UTP25: variants seen among roughly 807,000 people sequenced by gnomAD.
The protein encoded by UTP25 is U3 small nucleolar RNA-associated protein 25 homolog.
A neutral mutation model predicts 78.9 loss-of-function variants in UTP25; 50 were observed. That is an observed-to-expected ratio of 0.63 (90% CI 0.50 to 0.80). UTP25 has a LOEUF of 0.80. Among genes scored for constraint, UTP25 ranks in the 30% least tolerant of loss-of-function variants. UTP25 has a pLI of 0.00. For missense variants in UTP25, 846 were observed against 911.3 expected (o/e 0.93, Z 0.92); for synonymous variants, 329 against 336.5 (o/e 0.98, Z 0.24).
chr1:209,851,372 G>C lies in UTP25; in HGVS notation c.2196G>C (p.Val732=). 1.2e-6 allele frequency: 2 copies of C among 1,614,220 alleles called. No homozygotes were observed. Among genetic ancestry groups the C allele is most frequent in the Non-Finnish European group, 1.7e-6 (2 of 1,180,042 alleles). Residue 732 remains valine, a synonymous_variant, in exon 12 of 12, where the codon GTG becomes GTC. Coordinates refer to ENST00000491415, the MANE Select transcript of UTP25 (RefSeq NM_014388.7). ...SKYDAQRLAA[V]VGVERAAQML... ...ATGATGCCCAGAGGTTAGCTGCCGTGGTTGGTGTGGAGCGGGCGGCACAGA... is the reference window on the plus strand; with the variant it reads ...ATGATGCCCAGAGGTTAGCTGCCGTCGTTGGTGTGGAGCGGGCGGCACAGA...
At chr1:209,839,742 A>G (rs2078155824) in intron 7 of UTP25, among the ~76,000 whole-genome samples, 1 of 152,216 alleles carries the variant, frequency 6.6e-6, no homozygotes, top group Non-Finnish European at 1.5e-5. Flanking sequence ...TGTGCCAGGC[A>G]CTGTTAAGAA....
At chr1:209,833,715 C>A (rs1299915963) in intron 4 of UTP25, among the ~76,000 whole-genome samples, 1 of 152,104 alleles carries the variant, frequency 6.6e-6, no homozygotes, top group African/African-American at 2.4e-5. Context: ...CTTTTTGGAG[C>A]AGTAATTTTT....
chr1:209,850,997 T>C (rs949130938), intron 11 of UTP25, among the ~76,000 whole-genome samples: 2 of 152,214 alleles, frequency 1.3e-5, no homozygotes, highest in African/African-American at 2.4e-5. Flanking sequence ...AAGCCAAATA[T>C]TAGGAATTCG....
Position 209,839,030 on chromosome 1 carries a change from A to C in UTP25, c.1184A>C (p.Glu395Ala). Residue 395 changes from glutamate to alanine, a missense_variant, in exon 7 of 12, where the codon GAA becomes GCA. Glu to Ala is a moderately radical substitution (Grantham distance 107, BLOSUM62 -1). Transcript: ENST00000491415. ...IVSNKKRFQG[E>A]YGSDPEERPP... ...AGCAACAAAAAGAGGTTTCAGGGAGAATATGGATCAGATCCCGAGGAGAGA... is the reference window on the plus strand; with the variant it reads ...AGCAACAAAAAGAGGTTTCAGGGAGCATATGGATCAGATCCCGAGGAGAGA... 1 of 1,614,136 alleles carries C rather than the reference A, an allele frequency of 6.2e-7. No individual in the cohort carries two copies. Among genetic ancestry groups the C allele is most frequent in the Non-Finnish European group, 8.5e-7 (1 of 1,179,992 alleles).
chr1:209,850,331 T>C (rs1405616499), intron 11 of UTP25, among the ~76,000 whole-genome samples: 1 of 152,130 alleles, frequency 6.6e-6, no homozygotes, highest in African/African-American at 2.4e-5. Context: ...TAGATCACAG[T>C]CATGGTTTGG....
chr1:209,849,949 C>T (rs995941285), intron 11 of UTP25, among the ~76,000 whole-genome samples: 4 of 152,142 alleles, frequency 2.6e-5, no homozygotes, highest in African/African-American at 9.7e-5. Flanking sequence ...GACCTGGCTG[C>T]ACATCTCTGG....
chr1:209,850,180 G>A (rs781313009), intron 11 of UTP25, among the ~76,000 whole-genome samples: 3 of 152,178 alleles, frequency 2.0e-5, no homozygotes, highest in Non-Finnish European at 4.4e-5. Context: ...CAATATTCTC[G>A]AGTTTTATAC....
intron 11 of UTP25, 71 bp downstream of exon 11, chr1:209,843,767 A>C: frequency 1.9e-6 from 3 of 1,544,344 alleles, no homozygotes; most frequent in Non-Finnish European, 2.6e-6. Context: ...CCTGCTCTGA[A>C]TGCATGGCAG....
rs2078246442 is a variant in UTP25, at chr1:209,852,401, T to G, written c.*954T>G. ...CCCACCAATAAGGATAATGTGAATA[T>G]TTCAGAATCCAAAAAAATTCGAAAC... On this transcript the variant is annotated 3_prime_UTR_variant, in exon 12 of 12. Coordinates refer to ENST00000491415, the MANE Select transcript of UTP25 (RefSeq NM_014388.7). 1 of 152,238 alleles carries G rather than the reference T, an allele frequency of 6.6e-6. No individual in the cohort carries two copies. The highest frequency in any genetic ancestry group is 1.5e-5 in the Non-Finnish European group (1 of 68,042). The allele number at this position is 152,238 out of a possible 1,614,324, so 9.4% of individuals were successfully genotyped here.
At position 209,852,083 on chromosome 1, in the gene UTP25, A is replaced by C. The variant is rs2078244186; in HGVS notation, c.*636A>C. 1 of 152,252 alleles carries C rather than the reference A, an allele frequency of 6.6e-6. No homozygotes were observed. Among genetic ancestry groups the C allele is most frequent in the Non-Finnish European group, 1.5e-5 (1 of 68,044 alleles). The allele number at this position is 152,252 out of a possible 1,614,324, so 9.4% of individuals were successfully genotyped here. A position where few individuals can be genotyped will look rare whatever the true frequency, so the allele number is the denominator to read the frequency against. On this transcript the variant is annotated 3_prime_UTR_variant, in exon 12 of 12. Transcript: ENST00000491415. ...AATCACGTTATTTAAAAAACACATCAGCTCTGTCTCAAGAAGTAATTTTGT... is the reference window on the plus strand; with the variant it reads ...AATCACGTTATTTAAAAAACACATCCGCTCTGTCTCAAGAAGTAATTTTGT...
Position 209,836,844 on chromosome 1 carries a change from A to G in UTP25, c.695A>G (p.Lys232Arg). The change falls in exon 6 of 12, where the codon AAG (lysine) becomes AGG (arginine). Residue 232 changes from lysine (K) to arginine (R), a missense_variant. Coordinates refer to ENST00000491415, the MANE Select transcript of UTP25 (RefSeq NM_014388.7). ...CTTTTCTTTTCCTCTAAGTTTCAGAAGTTGGAAACATTTAAACCCCCAAAG... is the reference window on the plus strand; with the variant it reads ...CTTTTCTTTTCCTCTAAGTTTCAGAGGTTGGAAACATTTAAACCCCCAAAG... Reference protein sequence around the residue: ...GQLFFSSKFQKLETFKPPKDI... With the variant: ...GQLFFSSKFQRLETFKPPKDI... 1 of 1,611,126 alleles carries G rather than the reference A, an allele frequency of 6.2e-7. No homozygotes were observed. The highest frequency in any genetic ancestry group is 1.1e-5 in the South Asian group (1 of 90,570).
chr1:209,851,105 A>G (rs2078234961), intron 11 of UTP25, 99 bp from the exon 12 acceptor site: 1 of 1,344,942 alleles, frequency 7.4e-7, no homozygotes, highest in East Asian at 2.4e-5. Flanking sequence ...CATTAGCAGG[A>G]AGCAACAAGC....
chr1:209,853,686 A>T lies in UTP25; in HGVS notation c.*2239A>T, dbSNP rs992860506. The T allele has an allele frequency of 6.6e-6, 1 of 152,054 alleles. No individual in the cohort carries two copies. The highest frequency in any genetic ancestry group is 2.4e-5 in the African/African-American group (1 of 41,388). The allele number at this position is 152,054 out of a possible 1,614,324, so 9.4% of individuals were successfully genotyped here. A position where few individuals can be genotyped will look rare whatever the true frequency, so the allele number is the denominator to read the frequency against. On this transcript the variant is annotated 3_prime_UTR_variant, in exon 12 of 12. Coordinates refer to ENST00000491415, the MANE Select transcript of UTP25 (RefSeq NM_014388.7). ...TACCTACATCTTTTTCTACTGCCAT[A>T]TTCTTTTGCCTGTGAATTGTAGTTC...
chr1:209,851,172 T>G, intron 11 of UTP25, 32 bp from the exon 12 acceptor site: 1 of 1,590,052 alleles, frequency 6.3e-7, no homozygotes, highest in African/African-American at 1.4e-5. Context: ...GTTTCTCAAG[T>G]TGACATAGCT....
intron 11 of UTP25, 192 bp downstream of exon 11, chr1:209,843,888 G>A (rs2078181437): frequency 1.0e-5 from 7 of 700,716 alleles, no homozygotes; most frequent in Non-Finnish European, 1.6e-5. Context: ...CTCCCAAAAT[G>A]GGCATTGCTG....
Position 209,842,412 on chromosome 1 carries a change from G to A in UTP25, c.1633G>A (p.Val545Met). The A allele has an allele frequency of 3.1e-6, 5 of 1,614,124 alleles. No homozygotes were observed. Among genetic ancestry groups the A allele is most frequent in the Non-Finnish European group, 4.2e-6 (5 of 1,179,998 alleles). The change falls in exon 9 of 12, where the codon GTG becomes ATG. Residue 545 changes from valine to methionine, a missense_variant. Coordinates refer to ENST00000491415, the MANE Select transcript of UTP25 (RefSeq NM_014388.7). ...GALQDAQINSVFNKYCVNMQG... is the reference protein window; with the variant it reads ...GALQDAQINSMFNKYCVNMQG... The stretch of plus-strand genomic sequence containing the variant: ...CCTTCAGGATGCCCAGATCAACTCA[G>A]TGTTCAACAAGTACTGTGTCAACAT...
In UTP25 at chr1:209,851,545, TACAA is replaced by T; in HGVS notation, c.*100_*103del. On this transcript the variant is annotated 3_prime_UTR_variant, in exon 12 of 12. Coordinates refer to ENST00000491415, the MANE Select transcript of UTP25 (RefSeq NM_014388.7). ...TGATTACTTACAGAAGAAGGACTGA[TACAA>T]AGAAAGTGCATGAGGCAATGTCAGT... 6 of 1,450,750 alleles carry T rather than the reference TACAA, an allele frequency of 4.1e-6. No homozygotes were observed. Among genetic ancestry groups the T allele is most frequent in the Non-Finnish European group, 5.5e-6 (6 of 1,083,018 alleles). The allele number at this position is 1,450,750 out of a possible 1,614,324, so 89.9% of individuals were successfully genotyped here. A position where few individuals can be genotyped will look rare whatever the true frequency, so the allele number is the denominator to read the frequency against.
At chr1:209,840,571 G>C (rs2078161290) in intron 7 of UTP25, among the ~76,000 whole-genome samples, 1 of 152,218 alleles carries the variant, frequency 6.6e-6, no homozygotes, top group South Asian at 2.1e-4. Flanking sequence ...TTGCAGTGGA[G>C]TGAGAAGTGA....
chr1:209,837,151 C>T lies in UTP25; in HGVS notation c.1002C>T (p.Ser334=), dbSNP rs1433533327. The T allele has an allele frequency of 4.3e-6, 7 of 1,613,952 alleles. No individual in the cohort carries two copies. Among genetic ancestry groups the T allele is most frequent in the Non-Finnish European group, 5.9e-6 (7 of 1,180,002 alleles). ...TTGGCAACAATAGCAGACGCCGAAGCCAGAAGTTTGGAGTGGGTGATGATG... is the reference window on the plus strand; with the variant it reads ...TTGGCAACAATAGCAGACGCCGAAGTCAGAAGTTTGGAGTGGGTGATGATG... ...QVLGNNSRRR[S]QKFGVGDDDD... Residue 334 remains serine, a synonymous_variant, in exon 6 of 12, where the codon AGC becomes AGT. Coordinates refer to ENST00000491415, the MANE Select transcript of UTP25 (RefSeq NM_014388.7).
Sources: gnomAD v4.1 joint callset for allele counts (sites outside exome capture counted in the v4.1 genomes callset) on GRCh38, gnomAD v4.1.1 for gene constraint, MANE v1.5 for transcripts, NCBI Gene and HGNC (gene_info 2026-07-23, HGNC 2026-07-21) for gene names.